Variants in PTPRN2 observed in about 807,000 individuals in gnomAD.
PTPRN2 encodes protein tyrosine phosphatase receptor type N2, also known as receptor-type tyrosine-protein phosphatase N2.
A neutral mutation model predicts 118.8 loss-of-function variants in PTPRN2; 74 were observed. The ratio of observed to expected loss-of-function variants is 0.62; its 90% CI spans 0.52 to 0.76. PTPRN2 has a LOEUF of 0.76. PTPRN2 is among the 30% of genes least tolerant of loss of function. The pLI, the probability that PTPRN2 is intolerant of heterozygous loss-of-function variation, is 0.00. For missense variants in PTPRN2, 1,481 were observed against 1,394.4 expected (o/e 1.06, Z -0.99); for synonymous variants, 641 against 608.0 (o/e 1.05, Z -0.80).
chr7:158,395,319 CGA>C (rs1812291207), intron 2 of PTPRN2, among the ~76,000 whole-genome samples: 6 of 78,566 alleles, frequency 7.6e-5, no homozygotes, highest in African/African-American at 1.1e-4. Flanking sequence ...GGGTGAGGGG[CGA>C]GGGGCGAGGG....
intron 2 of PTPRN2, among the ~76,000 whole-genome samples, chr7:158,481,327 A>G (rs1820625238): frequency 6.6e-6 from 1 of 152,228 alleles, no homozygotes; most frequent in African/African-American, 2.4e-5. Context: ...CTTTCAAAAT[A>G]TGGCTGCTCA....
At chr7:157,633,436 C>T (rs1240397031) in intron 14 of PTPRN2, among the ~76,000 whole-genome samples, 1 of 152,240 alleles carries the variant, frequency 6.6e-6, no homozygotes, top group Non-Finnish European at 1.5e-5. Context: ...AGCTACAACG[C>T]CTGGCCTCAT....
At chr7:157,650,057 G>A (rs926703038) in intron 14 of PTPRN2, among the ~76,000 whole-genome samples, 1 of 152,200 alleles carries the variant, frequency 6.6e-6, no homozygotes, top group Non-Finnish European at 1.5e-5. Context: ...AGCTCCCCAG[G>A]CCCGCAGGAG....
chr7:157,876,817 C>T (rs552279387), intron 12 of PTPRN2, among the ~76,000 whole-genome samples: 1 of 152,314 alleles, frequency 6.6e-6, no homozygotes, highest in East Asian at 1.9e-4. Flanking sequence ...CAGCAGCCAC[C>T]TGGGGACAGT....
intron 2 of PTPRN2, among the ~76,000 whole-genome samples, chr7:158,454,898 A>G (rs1474854450): frequency 2.0e-5 from 3 of 152,216 alleles, no homozygotes; most frequent in African/African-American, 7.2e-5. Context: ...TGCATGGAAC[A>G]GACATACACA....
chr7:157,687,371 G>A (rs932458503), intron 12 of PTPRN2, among the ~76,000 whole-genome samples: 102 of 152,332 alleles, frequency 6.7e-4, no homozygotes, highest in African/African-American at 2.4e-3. Context: ...TTCCAAGGTT[G>A]TGTGATATAA....
intron 5 of PTPRN2, among the ~76,000 whole-genome samples, chr7:158,188,715 G>GGGGGAAGGCCGCCACGCTCGCCGCCTGAT (rs1825498909): frequency 7.9e-6 from 1 of 126,398 alleles, no homozygotes; most frequent in East Asian, 2.6e-4. Flanking sequence ...GCCCCCTGTA[G>GGGGGAAGGCCGCCACGCTCGCCGCCTGAT]GGGGAAGGCC....
chr7:158,331,706 A>C (rs1327226772), intron 2 of PTPRN2, among the ~76,000 whole-genome samples: 55 of 107,186 alleles, frequency 5.1e-4, no homozygotes, highest in African/African-American at 6.5e-4. Context: ...AGACGTCACT[A>C]ACACCCACAT....
intron 3 of PTPRN2, among the ~76,000 whole-genome samples, chr7:158,273,203 G>A (rs1038010190): frequency 3.3e-4 from 50 of 152,286 alleles, no homozygotes; most frequent in Non-Finnish European, 5.7e-4. Context: ...AGGGCACGTG[G>A]AGCTCCAGGC....
chr7:158,500,033 TAAAA>T (rs34436604), intron 1 of PTPRN2, among the ~76,000 whole-genome samples: 8 of 121,554 alleles, frequency 6.6e-5, no homozygotes, highest in Non-Finnish European at 1.0e-4. Context: ...ACACTTGAGC[TAAAA>T]AAAAAAAAAA....
At chr7:157,579,008 A>G (rs1362416161) in intron 17 of PTPRN2, among the ~76,000 whole-genome samples, 1 of 151,494 alleles carries the variant, frequency 6.6e-6, no homozygotes, top group Non-Finnish European at 1.5e-5. Context: ...TAAATTTGGT[A>G]TCCAAGACAG....
At chr7:157,666,178 C>A (rs1422326776) in intron 13 of PTPRN2, among the ~76,000 whole-genome samples, 3 of 151,444 alleles carry the variant, frequency 2.0e-5, no homozygotes, top group African/African-American at 7.3e-5. Context: ...AAGGGGAAGT[C>A]ATTTATTTTT....
chr7:157,664,328 G>A (rs1180098381), intron 13 of PTPRN2, among the ~76,000 whole-genome samples: 4 of 152,258 alleles, frequency 2.6e-5, no homozygotes. Flanking sequence ...TCAGACGAGA[G>A]CAGCCGCTGC....
At chr7:158,171,379 C>T (rs1823693527) in intron 5 of PTPRN2, among the ~76,000 whole-genome samples, 2 of 145,624 alleles carry the variant, frequency 1.4e-5, no homozygotes, top group South Asian at 2.2e-4. Flanking sequence ...GACATAGTCT[C>T]GCTCTGTAAC....
chr7:158,337,714 A>T (rs796497777), intron 2 of PTPRN2, among the ~76,000 whole-genome samples: 215 of 131,976 alleles, frequency 1.6e-3, no homozygotes, highest in Middle Eastern at 0.013. Flanking sequence ...ATAAGAGCTG[A>T]CGCCCGCAGA....
Position 158,138,316 on chromosome 7 carries a change from G to C in PTPRN2, c.1110C>G (p.Thr370=). ...CACCTGGAAAGCTGTCTCCACGGAG[G>C]GTGGCCTTGGGGCCATCCGCCTGTT... is the stretch of plus-strand genomic sequence containing the variant. ...SGEQADGPKA[T]LRGDSFPDDG... is the part of the protein sequence containing the mutation. The change falls in exon 7 of 23, where the codon ACC becomes ACG. Residue 370 remains threonine (T), a synonymous_variant. Coordinates refer to ENST00000389418, the MANE Select transcript of PTPRN2 (RefSeq NM_002847.5). 2 of 1,613,304 alleles carry C rather than the reference G, an allele frequency of 1.2e-6. No individual in the cohort carries two copies. The highest frequency in any genetic ancestry group is 1.7e-6 in the Non-Finnish European group (2 of 1,180,006).
chr7:157,994,667 C>T (rs1418207661), intron 11 of PTPRN2, among the ~76,000 whole-genome samples: 1 of 123,596 alleles, frequency 8.1e-6, no homozygotes, highest in Non-Finnish European at 1.7e-5. Context: ...CTCCTTGTTC[C>T]TAAAATCAAC....
chr7:157,941,897 G>A (rs750515987), intron 11 of PTPRN2, among the ~76,000 whole-genome samples: 2 of 152,162 alleles, frequency 1.3e-5, no homozygotes, highest in African/African-American at 4.8e-5. Context: ...AGGACACAGC[G>A]CTCTCTGCAG....
At chr7:157,685,848 G>GGA (rs1438775933) in intron 12 of PTPRN2, among the ~76,000 whole-genome samples, 1 of 152,138 alleles carries the variant, frequency 6.6e-6, no homozygotes, top group Non-Finnish European at 1.5e-5. Flanking sequence ...CCAGTGCCCT[G>GGA]GAGTCCTGTC....
Sources: gnomAD v4.1 joint callset for allele counts (sites outside exome capture counted in the v4.1 genomes callset) on GRCh38, gnomAD v4.1.1 for gene constraint, MANE v1.5 for transcripts, NCBI Gene and HGNC (gene_info 2026-07-23, HGNC 2026-07-21) for gene names.